MTMR2: variants seen among roughly 807,000 people sequenced by gnomAD.
MTMR2 encodes myotubularin related protein 2, also known as phosphatidylinositol-3,5-bisphosphate 3-phosphatase MTMR2.
MTMR2 carries 55 observed loss-of-function variants against 86.9 expected under a neutral mutation model. That is an observed-to-expected ratio of 0.63 (90% CI 0.51 to 0.79). The LOEUF is 0.79. Ranked by LOEUF, MTMR2 falls within the 30% of genes least tolerant of loss-of-function variation. The pLI is 0.00. For synonymous variants in MTMR2, 241 were observed against 266.8 expected (o/e 0.90, Z 0.94); for missense variants, 659 against 772.3 (o/e 0.85, Z 1.74).
At chr11:95,865,828 G>GTA in intron 2 of MTMR2, 152 bp from the exon 3 acceptor site, 3 of 680,454 alleles carry the variant, frequency 4.4e-6, no homozygotes, top group Non-Finnish European at 7.6e-6. Context: ...GTGTTGGCAT[G>GTA]TATAATATAT....
chr11:95,895,949 G>C (rs1200055210), intron 1 of MTMR2, among the ~76,000 whole-genome samples: 1 of 152,004 alleles, frequency 6.6e-6, no homozygotes, highest in Non-Finnish European at 1.5e-5. Flanking sequence ...TCCTTCAGTG[G>C]CTCCCTACTG....
At chr11:95,886,153 G>A (rs114088014) in intron 2 of MTMR2, among the ~76,000 whole-genome samples, 1 of 152,134 alleles carries the variant, frequency 6.6e-6, no homozygotes, top group African/African-American at 2.4e-5. Flanking sequence ...AGAACATTAG[G>A]TAAAAACTAA....
At chr11:95,850,982 A>G (rs1863994584) in intron 7 of MTMR2, among the ~76,000 whole-genome samples, 2 of 151,732 alleles carry the variant, frequency 1.3e-5, no homozygotes, top group South Asian at 4.2e-4. Flanking sequence ...ACATTAATTC[A>G]CTAAATATTC....
intron 2 of MTMR2, among the ~76,000 whole-genome samples, chr11:95,880,132 G>A (rs1337161322): frequency 1.3e-5 from 2 of 151,398 alleles, no homozygotes. Context: ...ATTTTTTCTT[G>A]GAAGTCAGAC....
chr11:95,897,513 C>A (rs1865920250), intron 1 of MTMR2, among the ~76,000 whole-genome samples: 1 of 152,042 alleles, frequency 6.6e-6, no homozygotes, highest in African/African-American at 2.4e-5. Context: ...TTAAATCCAA[C>A]AACTACATAT....
At chr11:95,871,223 C>T (rs943703057) in intron 2 of MTMR2, among the ~76,000 whole-genome samples, 4 of 152,122 alleles carry the variant, frequency 2.6e-5, no homozygotes, top group East Asian at 1.9e-4. Context: ...TTTATAGCAG[C>T]GTGATTTATA....
At chr11:95,893,246 A>C (rs1424163509) in intron 1 of MTMR2, among the ~76,000 whole-genome samples, 1 of 152,098 alleles carries the variant, frequency 6.6e-6, no homozygotes, top group African/African-American at 2.4e-5. Flanking sequence ...AACCTCATAC[A>C]CATTCCCACT....
At chr11:95,835,941 T>TGTCCAATGTCATAC (rs1863252566) in intron 14 of MTMR2, among the ~76,000 whole-genome samples, 1 of 152,024 alleles carries the variant, frequency 6.6e-6, no homozygotes, top group Non-Finnish European at 1.5e-5. Flanking sequence ...AGCAGTGATT[T>TGTCCAATGTCATAC]GTCCAATGTC....
rs73533121 is a variant in MTMR2 at position 95,879,239 on chromosome 11, G to C, written c.186+8917C>G. 9.7e-3 allele frequency among the ~76,000 whole-genome samples: 1,470 copies of C among 152,278 alleles called. 23 individuals carry two copies. The highest frequency in any genetic ancestry group is 0.034 in the African/African-American group (1,412 of 41,538). On this transcript the variant is annotated intron_variant, in intron 2 of 14. Coordinates refer to ENST00000346299, the MANE Select transcript of MTMR2 (RefSeq NM_016156.6). ...AAGAAGAAAGAGAATGTGGAAGAAA[G>C]AGAGTGGGGAAAGCAAGGGATGAAG...
intron 2 of MTMR2, among the ~76,000 whole-genome samples, chr11:95,883,957 A>G (rs1865429365): frequency 6.6e-6 from 1 of 152,220 alleles, no homozygotes; most frequent in African/African-American, 2.4e-5. Context: ...TTTAAAAGCT[A>G]TTACTAAAGG....
chr11:95,923,978 A>G lies in MTMR2; in HGVS notation c.-24T>C, dbSNP rs1359129276. 1.3e-6 allele frequency: 2 copies of G among 1,553,536 alleles called. No homozygotes were observed. Among genetic ancestry groups the G allele is most frequent in the Non-Finnish European group, 1.7e-6 (2 of 1,148,404 alleles). ...ATCGCGCGGCAGGGGCAGCACAGGGAAAGGCTGAAGCAGTCTTCGCGGCTA... is the reference window on the plus strand; with the variant it reads ...ATCGCGCGGCAGGGGCAGCACAGGGGAAGGCTGAAGCAGTCTTCGCGGCTA... On this transcript the variant is annotated 5_prime_UTR_variant, in exon 1 of 15. Transcript: ENST00000346299.
intron 7 of MTMR2, among the ~76,000 whole-genome samples, chr11:95,854,095 T>G (rs1276589058): frequency 6.6e-6 from 1 of 152,158 alleles, no homozygotes; most frequent in African/African-American, 2.4e-5. Flanking sequence ...ATTACCTTCA[T>G]GGCTATTGTC....
At chr11:95,839,975 C>G (rs577295109) in intron 12 of MTMR2, 1 of 152,138 alleles carries the variant, frequency 6.6e-6, no homozygotes, top group Admixed American at 6.6e-5. Context: ...TTTAGATAGA[C>G]AGCATATATA....
Position 95,833,259 on chromosome 11 carries a change from G to C in MTMR2, c.*2031C>G, listed in dbSNP as rs1250659345. On this transcript the variant is annotated 3_prime_UTR_variant, in exon 15 of 15. Transcript: ENST00000346299. ...GAGGTATGCAGAGACTAGGTCGAAG[G>C]AGGCTAAGGAGCTTCAACTTAATCA... is the stretch of plus-strand genomic sequence containing the variant. 6.6e-6 allele frequency: 1 copy of C among 152,080 alleles called. No homozygotes were observed. Among genetic ancestry groups the C allele is most frequent in the Non-Finnish European group, 1.5e-5 (1 of 68,000 alleles). 9.4% of individuals were successfully genotyped at this position (152,080 alleles called of 1,614,324 possible). A position where few individuals can be genotyped will look rare whatever the true frequency, so the allele number is the denominator to read the frequency against.
At chr11:95,838,280 C>G in intron 12 of MTMR2, 73 bp from the exon 13 acceptor site, 1 of 828,200 alleles carries the variant, frequency 1.2e-6, no homozygotes, top group Non-Finnish European at 2.1e-6. Flanking sequence ...ATGGGTAGAT[C>G]CTTTTGAGGT....
At chr11:95,879,979 A>T (rs779134805) in intron 2 of MTMR2, among the ~76,000 whole-genome samples, 1 of 151,936 alleles carries the variant, frequency 6.6e-6, no homozygotes, top group Non-Finnish European at 1.5e-5. Context: ...GTTTCTTCAC[A>T]TATTTTCTGC....
intron 2 of MTMR2, among the ~76,000 whole-genome samples, chr11:95,871,144 C>T (rs867580111): frequency 7.9e-5 from 12 of 152,144 alleles, no homozygotes; most frequent in Admixed American, 1.3e-4. Flanking sequence ...CATTGTTGGA[C>T]ATTTGGGTTG....
chr11:95,878,657 C>T (rs1463929873), intron 2 of MTMR2, among the ~76,000 whole-genome samples: 2 of 152,066 alleles, frequency 1.3e-5, no homozygotes, highest in Non-Finnish European at 1.5e-5. Context: ...TCTATTTCTA[C>T]ATTTTGTCCT....
chr11:95,843,346 A>G (rs1235345239), intron 11 of MTMR2, among the ~76,000 whole-genome samples: 1 of 152,200 alleles, frequency 6.6e-6, no homozygotes, highest in African/African-American at 2.4e-5. Flanking sequence ...GTATTTTCCA[A>G]ATAACCAATA....
Sources: gnomAD v4.1 joint callset for allele counts (sites outside exome capture counted in the v4.1 genomes callset) on GRCh38, gnomAD v4.1.1 for gene constraint, MANE v1.5 for transcripts, NCBI Gene and HGNC (gene_info 2026-07-23, HGNC 2026-07-21) for gene names.